STK33: variants seen among roughly 807,000 people sequenced by gnomAD.
STK33 encodes the protein serine/threonine kinase 33.
STK33 carries 52 observed loss-of-function variants against 58.0 expected under a neutral mutation model. That is an observed-to-expected ratio of 0.90 (90% CI 0.72 to 1.13). The LOEUF (loss-of-function observed/expected upper bound fraction) is 1.13. Ranked by LOEUF, STK33 falls within the 50% of genes most tolerant of loss-of-function variation. STK33 has a pLI of 0.00. For synonymous variants in STK33, 215 were observed against 200.1 expected (o/e 1.07, Z -0.63); for missense variants, 630 against 604.2 (o/e 1.04, Z -0.45).
intron 1 of STK33, among the ~76,000 whole-genome samples, chr11:8,486,682 G>A (rs1244601094): frequency 2.0e-5 from 3 of 152,296 alleles, no homozygotes; most frequent in East Asian, 3.9e-4. Flanking sequence ...ATAATAAGAT[G>A]TGCTTTTTGG....
At chr11:8,426,341 T>C (rs1942751298) in intron 14 of STK33, among the ~76,000 whole-genome samples, 2 of 152,192 alleles carry the variant, frequency 1.3e-5, no homozygotes, top group South Asian at 4.1e-4. Flanking sequence ...TGACTCTCAA[T>C]GTCCAGCTGC....
chr11:8,517,355 G>A (rs1466465320), intron 1 of STK33, among the ~76,000 whole-genome samples: 1 of 152,096 alleles, frequency 6.6e-6, no homozygotes, highest in African/African-American at 2.4e-5. Flanking sequence ...AAAGACCAAA[G>A]GTAGATAAAA....
At chr11:8,376,439 G>C in the STK33 span, among the ~76,000 whole-genome samples, 1 of 152,186 alleles carries the variant, frequency 6.6e-6, no homozygotes, top group Non-Finnish European at 1.5e-5. Context: ...GGTTCTCCGA[G>C]CTCTCCTTCC....
intron 8 of STK33, among the ~76,000 whole-genome samples, chr11:8,458,516 C>T (rs562940803): frequency 1.3e-5 from 2 of 149,716 alleles, no homozygotes; most frequent in East Asian, 2.0e-4. Context: ...GGCATAGAAT[C>T]GAGACAAGAA....
chr11:8,372,091 C>T, the STK33 span, among the ~76,000 whole-genome samples: 1 of 151,968 alleles, frequency 6.6e-6, no homozygotes, highest in Non-Finnish European at 1.5e-5. Context: ...CTGATCCTAA[C>T]TCCTAGGCTC....
At chr11:8,530,181 T>C (rs1280136369) in intron 1 of STK33, among the ~76,000 whole-genome samples, 1 of 152,060 alleles carries the variant, frequency 6.6e-6, no homozygotes, top group African/African-American at 2.4e-5. Context: ...AAATAAGTAA[T>C]AAAAACCTAA....
At chr11:8,447,982 A>G (rs1312395788) in intron 11 of STK33, among the ~76,000 whole-genome samples, 1 of 152,210 alleles carries the variant, frequency 6.6e-6, no homozygotes, top group African/African-American at 2.4e-5. Flanking sequence ...AAGCATTCTT[A>G]TACACCAATA....
At chr11:8,433,226 T>C (rs1317595331) in intron 14 of STK33, among the ~76,000 whole-genome samples, 2 of 151,406 alleles carry the variant, frequency 1.3e-5, no homozygotes, top group East Asian at 1.9e-4. Context: ...TAATTCATTC[T>C]TGGGTGAAGA....
chr11:8,390,516 T>C (rs890018505), downstream of STK33, among the ~76,000 whole-genome samples: 6 of 152,270 alleles, frequency 3.9e-5, no homozygotes, highest in Admixed American at 6.5e-5. Flanking sequence ...AGCTCAGACA[T>C]GGCCTGGTCC....
chr11:8,404,751 G>C (rs565194611), intron 15 of STK33, among the ~76,000 whole-genome samples: 6 of 152,038 alleles, frequency 3.9e-5, no homozygotes, highest in Non-Finnish European at 7.4e-5. Flanking sequence ...TTCCAGTTTG[G>C]GGCTGCTTAT....
At chr11:8,358,670 G>T in the STK33 span, among the ~76,000 whole-genome samples, 1 of 152,120 alleles carries the variant, frequency 6.6e-6, no homozygotes, top group African/African-American at 2.4e-5. Flanking sequence ...GCCTGAAGGG[G>T]CTCCCACTGG....
At chr11:8,383,850 C>A in the STK33 span, among the ~76,000 whole-genome samples, 3 of 152,194 alleles carry the variant, frequency 2.0e-5, no homozygotes, top group African/African-American at 7.2e-5. Context: ...TTCTGTGAGC[C>A]CTGTCAGGCA....
At chr11:8,479,625 T>C (rs1336678918) in intron 2 of STK33, among the ~76,000 whole-genome samples, 2 of 151,908 alleles carry the variant, frequency 1.3e-5, no homozygotes, top group South Asian at 2.1e-4. Flanking sequence ...GGCCGATCAC[T>C]TGCAGTCAGG....
chr11:8,399,857 T>C (rs531627939), intron 15 of STK33, among the ~76,000 whole-genome samples: 157 of 152,272 alleles, frequency 1.0e-3, no homozygotes, highest in Non-Finnish European at 2.1e-3. Context: ...GCAAATAAAC[T>C]AGAAAATCTA....
At chr11:8,540,984 C>T (rs1453293609) in intron 1 of STK33, among the ~76,000 whole-genome samples, 2 of 137,518 alleles carry the variant, frequency 1.5e-5, no homozygotes, top group Non-Finnish European at 3.2e-5. Flanking sequence ...CTCTCTCTCT[C>T]TCTCTCTCTC....
intron 1 of STK33, among the ~76,000 whole-genome samples, chr11:8,504,831 T>C (rs936538763): frequency 2.6e-5 from 4 of 151,986 alleles, no homozygotes; most frequent in African/African-American, 9.7e-5. Context: ...TTATATAAAC[T>C]TATAATAAAT....
intron 11 of STK33, among the ~76,000 whole-genome samples, chr11:8,449,036 T>C (rs558623254): frequency 0.013 from 2,036 of 151,790 alleles, 126 homozygotes; most frequent in African/African-American, 0.047. Context: ...GAAAAAATGC[T>C]CATCATCACT....
At chr11:8,559,276 A>G (rs1956970848) in intron 1 of STK33, among the ~76,000 whole-genome samples, 2 of 152,224 alleles carry the variant, frequency 1.3e-5, no homozygotes, top group Non-Finnish European at 2.9e-5. Context: ...CCATATTATG[A>G]CAACCAAAGC....
chr11:8,534,530 ATTTCTCTC>A (rs1343889626), intron 1 of STK33, among the ~76,000 whole-genome samples: 6 of 128,740 alleles, frequency 4.7e-5, no homozygotes, highest in Non-Finnish European at 8.0e-5. Flanking sequence ...AAGTATATAT[ATTTCTCTC>A]TCTCTCTCTC....
Sources: gnomAD v4.1 joint callset for allele counts (sites outside exome capture counted in the v4.1 genomes callset) on GRCh38, gnomAD v4.1.1 for gene constraint, MANE v1.5 for transcripts, NCBI Gene and HGNC (gene_info 2026-07-23, HGNC 2026-07-21) for gene names.